SINHCAF: variants seen among roughly 807,000 people sequenced by gnomAD.
SINHCAF encodes SIN3-HDAC complex associated factor.
A neutral mutation model predicts 25.8 loss-of-function variants in SINHCAF; 3 were observed. The ratio of observed to expected loss-of-function variants is 0.12; its 90% CI spans 0.05 to 0.30. The LOEUF is 0.30. SINHCAF is among the 10% of genes least tolerant of loss of function. SINHCAF has a pLI of 1.00. For synonymous variants in SINHCAF, 70 were observed against 85.5 expected, an observed-to-expected ratio of 0.82 and a Z score of 1.00; for missense variants, 121 against 262.3, an observed-to-expected ratio of 0.46 and a Z score of 3.72.
chr12:31,285,456 T>A lies in SINHCAF; in HGVS notation c.506+2178A>T, dbSNP rs77352898. On this transcript the variant is annotated intron_variant, in intron 5 of 5. Coordinates refer to ENST00000337682, the MANE Select transcript of SINHCAF (RefSeq NM_001135812.2). Reference sequence around the variant, plus strand: ...ACACACACACACACACACACACACATAAATAAATGTTATTCGACAATATTG... The same window carrying A: ...ACACACACACACACACACACACACAAAAATAAATGTTATTCGACAATATTG... Among the ~76,000 whole-genome samples, 8 of 59,480 alleles carry A rather than the reference T, an allele frequency of 1.3e-4. No homozygotes were observed. The East Asian group carries it at 1.7e-3, about 13-fold the overall frequency. 39.0% of individuals were successfully genotyped at this position (59,480 alleles called of 152,430 possible).
chr12:31,300,353 CA>C (rs1938736780), intron 1 of SINHCAF, among the ~76,000 whole-genome samples: 1 of 152,004 alleles, frequency 6.6e-6, no homozygotes, highest in Admixed American at 6.6e-5. Context: ...GAGAGGCAGG[CA>C]AAAGAGTGGG....
rs1270465427 is a variant in SINHCAF at position 31,281,762 on chromosome 12, G to A, written c.*950C>T. 2.0e-5 allele frequency: 3 copies of A among 152,158 alleles called. No individual in the cohort carries two copies. The highest frequency in any genetic ancestry group is 1.3e-4 in the Admixed American group (2 of 15,266). 9.4% of individuals were successfully genotyped at this position (152,158 alleles called of 1,614,324 possible). ...TAAAGACTTGCCATTTCCCCAAGAG[G>A]AGCTTTGATTCTGCTTTAGAAGTTT... On this transcript the variant is annotated 3_prime_UTR_variant, in exon 6 of 6. Transcript: ENST00000337682.
At chr12:31,282,950 A>C in intron 5 of SINHCAF, 79 bp from the exon 6 acceptor site, 1 of 1,084,582 alleles carries the variant, frequency 9.2e-7, no homozygotes, top group South Asian at 1.8e-5. Context: ...TCACTATTAT[A>C]ACTAGTCCAA....
intron 5 of SINHCAF, among the ~76,000 whole-genome samples, chr12:31,286,965 G>A (rs1011948299): frequency 2.0e-5 from 3 of 152,112 alleles, no homozygotes; most frequent in South Asian, 2.1e-4. Flanking sequence ...TCACCAGGCT[G>A]GAGTGCAATG....
At chr12:31,321,025 G>A (rs574673146) in intron 1 of SINHCAF, among the ~76,000 whole-genome samples, 3 of 152,224 alleles carry the variant, frequency 2.0e-5, no homozygotes, top group East Asian at 1.9e-4. Flanking sequence ...ATGTAACAGC[G>A]GTGTACCTGT....
At chr12:31,312,934 C>T (rs942322591) in intron 1 of SINHCAF, among the ~76,000 whole-genome samples, 3 of 152,186 alleles carry the variant, frequency 2.0e-5, no homozygotes, top group Admixed American at 2.0e-4. Context: ...GATATTTTTA[C>T]ATGGCATTAA....
chr12:31,312,591 C>G (rs1939314738), intron 1 of SINHCAF, among the ~76,000 whole-genome samples: 1 of 152,174 alleles, frequency 6.6e-6, no homozygotes. Context: ...ATAAGCATTT[C>G]CCTGATTCCA....
intron 1 of SINHCAF, among the ~76,000 whole-genome samples, chr12:31,298,985 G>C (rs1337044814): frequency 1.3e-5 from 2 of 152,014 alleles, no homozygotes; most frequent in African/African-American, 2.4e-5. Flanking sequence ...AGTAGTAACA[G>C]TGGGAGGCAA....
intron 4 of SINHCAF, among the ~76,000 whole-genome samples, chr12:31,289,949 T>C (rs1413941262): frequency 2.0e-5 from 3 of 151,818 alleles, no homozygotes; most frequent in African/African-American, 7.3e-5. Context: ...CTCAGTCTCC[T>C]GAGTAGCTGG....
At chr12:31,285,452 CACAT>C (rs1164693827) in intron 5 of SINHCAF, among the ~76,000 whole-genome samples, 5 of 151,098 alleles carry the variant, frequency 3.3e-5, no homozygotes, top group African/African-American at 9.8e-5. Context: ...CACACACACA[CACAT>C]AAATAAATGT....
At chr12:31,313,521 G>A (rs1168744075) in intron 1 of SINHCAF, among the ~76,000 whole-genome samples, 6 of 152,212 alleles carry the variant, frequency 3.9e-5, no homozygotes, top group Middle Eastern at 3.4e-3. Context: ...GCTATTCTTG[G>A]CCCTATTCAT....
Position 31,325,089 on chromosome 12 carries a change from C to G in SINHCAF, c.-21+935G>C, listed in dbSNP as rs547441764. 2.2e-5 allele frequency: 10 copies of G among 456,768 alleles called. No individual in the cohort carries two copies. In the Admixed American group the frequency reaches 2.3e-4, roughly 11 times the overall value. The allele number at this position is 456,768 out of a possible 1,614,324, so 28.3% of individuals were successfully genotyped here. ...AGCAGTGCCCTGCGGAGTTCACTGA[C>G]TCCCGCGGCGTACACAACGCCGCCG... On this transcript the variant is annotated intron_variant, in intron 1 of 5. Coordinates refer to ENST00000337682, the MANE Select transcript of SINHCAF (RefSeq NM_001135812.2). The surrounding 1 kb of genome is among the most constrained non-coding windows in gnomAD (Gnocchi z 5.9).
intron 1 of SINHCAF, among the ~76,000 whole-genome samples, chr12:31,300,536 T>C (rs903972191): frequency 6.6e-6 from 1 of 152,192 alleles, no homozygotes. Context: ...TACACAGTCA[T>C]AAGAAAAGAT....
rs965591222 is a variant in SINHCAF at position 31,294,902 on chromosome 12, G to A, written c.228+332C>T. On this transcript the variant is annotated intron_variant, in intron 3 of 5. Transcript: ENST00000337682. ...TCATTAGTACCAACCTGAGTTCAAAGGATCATGTTATCCAAAGAGATTTAA... is the reference window on the plus strand; with the variant it reads ...TCATTAGTACCAACCTGAGTTCAAAAGATCATGTTATCCAAAGAGATTTAA... Among the ~76,000 whole-genome samples, 11 of 152,176 alleles carry A rather than the reference G, an allele frequency of 7.2e-5. No individual in the cohort carries two copies. In the South Asian group the frequency reaches 1.0e-3, roughly 14 times the overall value.
intron 4 of SINHCAF, among the ~76,000 whole-genome samples, chr12:31,292,624 T>G (rs768894949): frequency 1.7e-4 from 26 of 152,142 alleles, no homozygotes; most frequent in Non-Finnish European, 2.6e-4. Context: ...CATATACAAA[T>G]TTATATTTCC....
At chr12:31,305,374 C>T (rs1253643552) in intron 1 of SINHCAF, among the ~76,000 whole-genome samples, 1 of 152,176 alleles carries the variant, frequency 6.6e-6, no homozygotes, top group East Asian at 1.9e-4. Context: ...AAGTCCCTTA[C>T]AACAGTGCAA....
rs953144834 is a variant in SINHCAF, at chr12:31,316,183, T to TAA, written c.-21+9839_-21+9840dup. Among the ~76,000 whole-genome samples, 18 of 142,010 alleles carry TAA rather than the reference T, an allele frequency of 1.3e-4. No individual in the cohort carries two copies. In the East Asian group the frequency reaches 2.5e-3, roughly 19 times the overall value. The allele number at this position is 142,010 out of a possible 152,430, so 93.2% of individuals were successfully genotyped here. A position where few individuals can be genotyped will look rare whatever the true frequency, so the allele number is the denominator to read the frequency against. On this transcript the variant is annotated intron_variant, in intron 1 of 5. Transcript: ENST00000337682. ...AAAAATTCATCTCAAAAATAAAAAA[T>TAA]AAAAAAAAAACCATGCCATAATTAT...
In SINHCAF at chr12:31,282,723, G is replaced by C. The variant is rs1348460902; in HGVS notation, c.655C>G (p.Gln219Glu). 2.5e-6 allele frequency: 4 copies of C among 1,584,192 alleles called. No homozygotes were observed. The highest frequency in any genetic ancestry group is 3.4e-6 in the Non-Finnish European group (4 of 1,171,256). Residue 219 changes from glutamine to glutamate, a missense_variant, in exon 6 of 6, where the codon CAG becomes GAG. Gln to Glu is a conservative substitution (Grantham distance 29, BLOSUM62 2). Coordinates refer to ENST00000337682, the MANE Select transcript of SINHCAF (RefSeq NM_001135812.2). ...QGPEPLPIST[Q>E]EW ...CATAAAAACCTCAGTCACCACTCCT[G>C]AGTGGAGATGGGCAGAGGCTCTGGC...
chr12:31,311,911 A>G (rs1939285816), intron 1 of SINHCAF: 6 of 548,080 alleles, frequency 1.1e-5, no homozygotes. Context: ...CATTTTAATG[A>G]CTAGTATCTT....
Sources: gnomAD v4.1 joint callset for allele counts (sites outside exome capture counted in the v4.1 genomes callset) on GRCh38, gnomAD v4.1.1 for gene constraint, Gnocchi (gnomAD v3.1) non-coding constraint, MANE v1.5 for transcripts, NCBI Gene and HGNC (gene_info 2026-07-23, HGNC 2026-07-21) for gene names.